MACROD2: variants seen among roughly 807,000 people sequenced by gnomAD.
MACROD2 encodes ADP-ribose glycohydrolase MACROD2.
A neutral mutation model predicts 70.4 loss-of-function variants in MACROD2; 36 were observed. The observed-to-expected ratio is 0.51, with a 90% CI of 0.39 to 0.68. The LOEUF (loss-of-function observed/expected upper bound fraction) is 0.68, where lower values mean the gene tolerates loss of function less well. Among genes scored for constraint, MACROD2 ranks in the 30% least tolerant of loss-of-function variants. The pLI is 0.00. For missense variants in MACROD2, 496 were observed against 538.4 expected (o/e 0.92, Z 0.78); for synonymous variants, 172 against 178.8 (o/e 0.96, Z 0.30).
intron 6 of MACROD2, among the ~76,000 whole-genome samples, chr20:15,344,139 G>T (rs1279304255): frequency 6.6e-6 from 1 of 152,278 alleles, no homozygotes. Context: ...TCCAGATGCA[G>T]ATCCAGCCTC....
intron 5 of MACROD2, among the ~76,000 whole-genome samples, chr20:14,885,669 C>A (rs768247416): frequency 2.0e-5 from 3 of 152,162 alleles, no homozygotes; most frequent in Non-Finnish European, 4.4e-5. Flanking sequence ...ACCTTGTTAT[C>A]TCCTATTGAA....
chr20:15,312,613 A>G (rs2077765188), intron 6 of MACROD2, among the ~76,000 whole-genome samples: 1 of 152,220 alleles, frequency 6.6e-6, no homozygotes, highest in Non-Finnish European at 1.5e-5. Flanking sequence ...ACATAAATTA[A>G]AGGAAATGTA....
intron 5 of MACROD2, among the ~76,000 whole-genome samples, chr20:14,798,141 A>T (rs1284595228): frequency 6.6e-6 from 1 of 151,974 alleles, no homozygotes; most frequent in East Asian, 1.9e-4. Flanking sequence ...AGCATTTATT[A>T]TTGTTACCAT....
intron 2 of MACROD2, among the ~76,000 whole-genome samples, chr20:14,062,231 C>T (rs2053699276): frequency 6.6e-6 from 1 of 152,108 alleles, no homozygotes; most frequent in Admixed American, 6.6e-5. Context: ...CTGACATGTT[C>T]CCTTCAGTCT....
At chr20:14,675,402 A>G (rs2070847736) in intron 4 of MACROD2, among the ~76,000 whole-genome samples, 1 of 152,232 alleles carries the variant, frequency 6.6e-6, no homozygotes, top group African/African-American at 2.4e-5. Context: ...CCGATATTCA[A>G]CATTCTTATA....
rs192399829 is a variant in MACROD2 at position 15,925,995 on chromosome 20, C to A, written c.776-7281C>A. 1.7e-3 allele frequency among the ~76,000 whole-genome samples: 257 copies of A among 152,290 alleles called. 3 individuals are homozygous for A. Among genetic ancestry groups the A allele is most frequent in the Non-Finnish European group, 4.9e-4 (33 of 68,032 alleles). On this transcript the variant is annotated intron_variant, in intron 10 of 17. Transcript: ENST00000684519. ...TGGCAGCCAGGAGAGCACTGCCCAG[C>A]ATTTCCCCAAACTGGCTACACATGC...
At chr20:14,802,253 C>A (rs2072585787) in intron 5 of MACROD2, among the ~76,000 whole-genome samples, 1 of 152,084 alleles carries the variant, frequency 6.6e-6, no homozygotes, top group Non-Finnish European at 1.5e-5. Context: ...ATCTAGTTCA[C>A]TAGTGGGAGA....
intron 4 of MACROD2, among the ~76,000 whole-genome samples, chr20:14,677,648 C>G (rs2070878370): frequency 6.6e-6 from 1 of 152,150 alleles, no homozygotes; most frequent in Non-Finnish European, 1.5e-5. Context: ...AAGAGCAGCC[C>G]TGTGAGTGAC....
At chr20:14,321,727 T>C (rs1234280497) in intron 3 of MACROD2, among the ~76,000 whole-genome samples, 1 of 152,174 alleles carries the variant, frequency 6.6e-6, no homozygotes, top group Non-Finnish European at 1.5e-5. Flanking sequence ...AGCTATAAAA[T>C]ATGCATTAAT....
chr20:15,262,964 C>A (rs2077262051), intron 6 of MACROD2, among the ~76,000 whole-genome samples: 2 of 152,086 alleles, frequency 1.3e-5, no homozygotes, highest in South Asian at 4.1e-4. Flanking sequence ...GGATAGCTTG[C>A]AAATATTCTC....
chr20:15,447,070 G>GTGTGTGTGTGTGTT (rs1286236371), intron 7 of MACROD2, among the ~76,000 whole-genome samples: 1 of 151,744 alleles, frequency 6.6e-6, no homozygotes, highest in Non-Finnish European at 1.5e-5. Flanking sequence ...GTGTGTGTGT[G>GTGTGTGTGTGTGTT]TGTGTGTGTG....
intron 4 of MACROD2, among the ~76,000 whole-genome samples, chr20:14,521,462 C>T (rs2085168346): frequency 6.6e-6 from 1 of 152,202 alleles, no homozygotes; most frequent in Non-Finnish European, 1.5e-5. Flanking sequence ...ATAAGATTAT[C>T]TTTATATCCC....
intron 5 of MACROD2, among the ~76,000 whole-genome samples, chr20:14,966,435 G>A (rs2074637591): frequency 6.6e-6 from 1 of 152,110 alleles, no homozygotes; most frequent in Non-Finnish European, 1.5e-5. Context: ...AGTCATTAAA[G>A]CATGGTGGTG....
chr20:15,299,500 T>C (rs1472627976), intron 6 of MACROD2, among the ~76,000 whole-genome samples: 3 of 152,340 alleles, frequency 2.0e-5, no homozygotes, highest in South Asian at 2.1e-4. Flanking sequence ...GTGGAAGTCA[T>C]TTTAAGGCCC....
intron 6 of MACROD2, among the ~76,000 whole-genome samples, chr20:15,256,716 G>A (rs1325142192): frequency 6.6e-6 from 1 of 151,894 alleles, no homozygotes; most frequent in Admixed American, 6.6e-5. Context: ...ATCAAACAAA[G>A]TTTCTGAAGT....
intron 8 of MACROD2, among the ~76,000 whole-genome samples, chr20:15,742,250 A>G (rs547508907): frequency 6.6e-6 from 1 of 152,320 alleles, no homozygotes; most frequent in Non-Finnish European, 1.5e-5. Flanking sequence ...GACTCATCTT[A>G]AAAAGCCTTA....
At chr20:14,235,037 G>C (rs563507160) in intron 3 of MACROD2, among the ~76,000 whole-genome samples, 1 of 152,164 alleles carries the variant, frequency 6.6e-6, no homozygotes, top group Non-Finnish European at 1.5e-5. Flanking sequence ...GGCCCACACT[G>C]TTTCTGTCTA....
intron 3 of MACROD2, among the ~76,000 whole-genome samples, chr20:14,237,526 A>T (rs866303947): frequency 6.6e-6 from 1 of 150,694 alleles, no homozygotes; most frequent in African/African-American, 2.4e-5. Flanking sequence ...AGTTCTATTA[A>T]TTCTTTATTT....
chr20:15,704,168 A>T (rs763749970), intron 8 of MACROD2, among the ~76,000 whole-genome samples: 14 of 151,790 alleles, frequency 9.2e-5, no homozygotes, highest in Admixed American at 2.6e-4. Flanking sequence ...TTATTTATTT[A>T]ATTTCCTAAA....
Sources: allele counts gnomAD v4.1 joint callset (sites outside exome capture counted in the v4.1 genomes callset), GRCh38; gene constraint gnomAD v4.1.1; transcripts MANE v1.5; gene names NCBI Gene and HGNC (gene_info 2026-07-23, HGNC 2026-07-21).